KCNIP4: variants seen among roughly 807,000 people sequenced by gnomAD.
KCNIP4 encodes the protein potassium voltage-gated channel interacting protein 4.
In KCNIP4, 12 loss-of-function variants were observed where a neutral mutation model predicts 34.0. The observed-to-expected ratio is 0.35, with a 90% CI of 0.23 to 0.57. The LOEUF (loss-of-function observed/expected upper bound fraction) is 0.57, where lower values mean the gene tolerates loss of function less well. Among genes scored for constraint, KCNIP4 ranks in the 20% least tolerant of loss-of-function variants. The probability of loss-of-function intolerance (pLI) is 0.83; values close to 1 mark genes in which losing one functional copy is unlikely to be tolerated. For missense variants in KCNIP4, 238 were observed against 311.7 expected (o/e 0.76, Z 1.78); for synonymous variants, 124 against 102.2 (o/e 1.21, Z -1.29).
intron 1 of KCNIP4, among the ~76,000 whole-genome samples, chr4:21,381,011 G>C (rs1721460135): frequency 6.6e-6 from 1 of 152,174 alleles, no homozygotes. Flanking sequence ...CATCTGAAGA[G>C]TCAAAGCTCT....
At chr4:21,092,066 C>A (rs1352291838) in intron 1 of KCNIP4, among the ~76,000 whole-genome samples, 2 of 152,312 alleles carry the variant, frequency 1.3e-5, no homozygotes, top group African/African-American at 2.4e-5. Flanking sequence ...AACCCAGAAA[C>A]TTCTGCAATG....
rs1560732847 is a variant in KCNIP4 at position 21,112,045 on chromosome 4, C to CTATCTATCTATCTATCTATCTATA, written c.62-229337_62-229336insTATAGATAGATAGATAGATAGATA. Among the ~76,000 whole-genome samples, 1,442 of 148,634 alleles carry CTATCTATCTATCTATCTATCTATA rather than the reference C, an allele frequency of 9.7e-3. 35 individuals carry two copies. Among genetic ancestry groups the CTATCTATCTATCTATCTATCTATA allele is most frequent in the African/African-American group, 0.035 (1,337 of 38,304 alleles). On this transcript the variant is annotated intron_variant, in intron 1 of 8. Coordinates refer to ENST00000382152, the MANE Select transcript of KCNIP4 (RefSeq NM_025221.6). ...TCTCTGTATCTATCTATCTATCTAT[C>CTATCTATCTATCTATCTATCTATA]TATCTATCTATCTATCTATCTATCT...
intron 5 of KCNIP4, 50 bp from the exon 6 acceptor site, chr4:20,734,785 A>C: frequency 9.4e-7 from 1 of 1,063,748 alleles, no homozygotes; most frequent in Non-Finnish European, 1.4e-6. Context: ...AAAAAAACAA[A>C]AACAAAAAAA....
At chr4:21,454,074 G>A (rs1241664719) in intron 1 of KCNIP4, among the ~76,000 whole-genome samples, 2 of 152,192 alleles carry the variant, frequency 1.3e-5, no homozygotes, top group East Asian at 1.9e-4. Context: ...AGTTGGCCCA[G>A]CTAGAATACA....
chr4:20,994,662 C>T (rs1461770611), intron 1 of KCNIP4, among the ~76,000 whole-genome samples: 1 of 152,108 alleles, frequency 6.6e-6, no homozygotes, highest in Non-Finnish European at 1.5e-5. Context: ...GTGTTCTTCC[C>T]ACAAAGAATG....
chr4:21,856,184 A>T (rs899927694), intron 1 of KCNIP4, among the ~76,000 whole-genome samples: 1 of 152,060 alleles, frequency 6.6e-6, no homozygotes, highest in Non-Finnish European at 1.5e-5. Flanking sequence ...AGAAGACTTC[A>T]CTCATTTACA....
chr4:21,789,513 T>C (rs1377020240), intron 1 of KCNIP4, among the ~76,000 whole-genome samples: 1 of 152,162 alleles, frequency 6.6e-6, no homozygotes, highest in Non-Finnish European at 1.5e-5. Context: ...AAAAAGTAAG[T>C]ACTTCTTTTA....
intron 3 of KCNIP4, among the ~76,000 whole-genome samples, chr4:20,820,846 G>T (rs933065278): frequency 8.5e-5 from 13 of 152,182 alleles, no homozygotes; most frequent in African/African-American, 3.1e-4. Flanking sequence ...CTCCAGCATG[G>T]CTCAAACAGG....
chr4:21,294,868 A>G (rs79770335), intron 1 of KCNIP4, among the ~76,000 whole-genome samples: 4,441 of 152,268 alleles, frequency 0.029, 132 homozygotes, highest in East Asian at 0.096. Context: ...CCCAATTTGA[A>G]TATTTCCCTT....
intron 1 of KCNIP4, among the ~76,000 whole-genome samples, chr4:21,418,711 A>C (rs1725180902): frequency 1.3e-5 from 2 of 152,122 alleles, no homozygotes; most frequent in African/African-American, 4.8e-5. Flanking sequence ...GGAGAGAGGA[A>C]GTGTCTATGT....
chr4:21,500,516 A>T (rs1560463899), intron 1 of KCNIP4, among the ~76,000 whole-genome samples: 2 of 152,156 alleles, frequency 1.3e-5, no homozygotes, highest in Non-Finnish European at 2.9e-5. Context: ...GCAGATATGG[A>T]TTCCAATCAC....
chr4:21,881,707 G>C (rs1016526307), intron 1 of KCNIP4, among the ~76,000 whole-genome samples: 2 of 152,128 alleles, frequency 1.3e-5, no homozygotes, highest in Admixed American at 1.3e-4. Flanking sequence ...GTAAATAAAG[G>C]TCATTTATGT....
chr4:20,984,047 C>G, intron 1 of KCNIP4: 1 of 1,445,834 alleles, frequency 6.9e-7, no homozygotes, highest in Non-Finnish European at 9.1e-7. Flanking sequence ...TGAGCAGCTC[C>G]TGGCAGATGC....
At chr4:20,898,600 T>C (rs1016787702) in intron 1 of KCNIP4, among the ~76,000 whole-genome samples, 2 of 152,234 alleles carry the variant, frequency 1.3e-5, no homozygotes, top group African/African-American at 2.4e-5. Flanking sequence ...CTCCACCAGA[T>C]AGTAAATTCC....
chr4:21,091,992 C>T (rs1443866239), intron 1 of KCNIP4, among the ~76,000 whole-genome samples: 1 of 152,150 alleles, frequency 6.6e-6, no homozygotes, highest in Non-Finnish European at 1.5e-5. Flanking sequence ...CAGATAGGCT[C>T]AGCAACTGGC....
chr4:21,183,661 C>G (rs1323345534), intron 1 of KCNIP4, among the ~76,000 whole-genome samples: 3 of 151,926 alleles, frequency 2.0e-5, no homozygotes. Context: ...TTGATAACAG[C>G]CATTCTAACA....
At position 21,268,967 on chromosome 4, in the gene KCNIP4, C is replaced by T. The variant is rs1351435739; in HGVS notation, c.62-386258G>A. ...TGTCCCAAGTACAGGTAGATCTTGT[C>T]TTAATTATAAACCTACAAGTACTTC... On this transcript the variant is annotated intron_variant, in intron 1 of 8. Transcript: ENST00000382152. Among the ~76,000 whole-genome samples, 7 of 152,176 alleles carry T rather than the reference C, an allele frequency of 4.6e-5. No individual in the cohort carries two copies. In the East Asian group the frequency reaches 9.7e-4, roughly 21 times the overall value.
At chr4:21,702,418 G>A (rs1712930882) in intron 1 of KCNIP4, among the ~76,000 whole-genome samples, 1 of 152,018 alleles carries the variant, frequency 6.6e-6, no homozygotes, top group African/African-American at 2.4e-5. Flanking sequence ...ATATAAATTT[G>A]TGAGCAGGAA....
intron 1 of KCNIP4, among the ~76,000 whole-genome samples, chr4:21,765,247 C>T (rs543395188): frequency 6.6e-6 from 1 of 151,560 alleles, no homozygotes; most frequent in African/African-American, 2.4e-5. Flanking sequence ...CCTCGACCTC[C>T]GGGGCTCAAG....
Sources: gnomAD v4.1 joint callset for allele counts (sites outside exome capture counted in the v4.1 genomes callset) on GRCh38, gnomAD v4.1.1 for gene constraint, MANE v1.5 for transcripts, NCBI Gene and HGNC (gene_info 2026-07-23, HGNC 2026-07-21) for gene names.